Variants in RASAL2 observed in about 807,000 individuals in gnomAD.
RASAL2 encodes the protein RAS protein activator like 2, also known as ras GTPase-activating protein nGAP.
Under a neutral mutation model 128.9 loss-of-function variants are expected in RASAL2, and 58 were observed. The ratio of observed to expected loss-of-function variants is 0.45; its 90% CI spans 0.36 to 0.56. RASAL2 has a LOEUF of 0.56. RASAL2 is among the 20% of genes least tolerant of loss of function. The pLI is 0.00. For missense variants in RASAL2, 1,360 were observed against 1,601.6 expected (o/e 0.85, Z 2.57); for synonymous variants, 561 against 580.8 (o/e 0.97, Z 0.49).
intron 3 of RASAL2, among the ~76,000 whole-genome samples, chr1:178,335,771 A>G (rs1262019301): frequency 1.3e-5 from 2 of 152,234 alleles, no homozygotes; most frequent in Non-Finnish European, 2.9e-5. Context: ...CATCGTTCCA[A>G]TAAATATATA....
rs1053725245 is a variant in RASAL2 at position 178,277,811 on chromosome 1, T to G, written c.203-5753T>G. Among the ~76,000 whole-genome samples, 5 of 152,200 alleles carry G rather than the reference T, an allele frequency of 3.3e-5. No individual in the cohort carries two copies. In the East Asian group the frequency reaches 7.7e-4, roughly 23 times the overall value. ...TTTTTTAGGTTGGCACTAAGATAGA[T>G]GAAAGGCCCCTGAGACTGAATGAAA... is the stretch of plus-strand genomic sequence containing the variant. On this transcript the variant is annotated intron_variant, in intron 1 of 17. Transcript: ENST00000367649.
chr1:178,164,545 C>T (rs1661451637), intron 1 of RASAL2, among the ~76,000 whole-genome samples: 1 of 143,162 alleles, frequency 7.0e-6, no homozygotes, highest in Admixed American at 7.2e-5. Context: ...ATTTCCCCTT[C>T]CTTGCTCTAA....
chr1:178,173,915 A>T (rs1360867558), intron 1 of RASAL2, among the ~76,000 whole-genome samples: 44 of 94,182 alleles, frequency 4.7e-4, no homozygotes, highest in African/African-American at 3.2e-3. Context: ...TTTTTTTTTT[A>T]AAAAAGTTCA....
At chr1:178,186,314 A>G (rs1662295392) in intron 1 of RASAL2, among the ~76,000 whole-genome samples, 1 of 150,950 alleles carries the variant, frequency 6.6e-6, no homozygotes, top group South Asian at 2.1e-4. Context: ...TTGTTGATCT[A>G]TTCAAAGAAC....
chr1:178,443,864 A>G (rs947815391), intron 8 of RASAL2, among the ~76,000 whole-genome samples: 2 of 152,162 alleles, frequency 1.3e-5, no homozygotes, highest in African/African-American at 2.4e-5. Flanking sequence ...CCTATGAAGG[A>G]TATTAACTAG....
chr1:178,300,849 A>G (rs1208844347), intron 3 of RASAL2, among the ~76,000 whole-genome samples: 1 of 152,224 alleles, frequency 6.6e-6, no homozygotes, highest in Non-Finnish European at 1.5e-5. Context: ...TAGAAAAATG[A>G]AGCAATTTGA....
At chr1:178,170,691 A>G (rs559608328) in intron 1 of RASAL2, among the ~76,000 whole-genome samples, 30 of 151,524 alleles carry the variant, frequency 2.0e-4, no homozygotes, top group African/African-American at 6.8e-4. Context: ...TTTTATATAT[A>G]TTATATATCC....
intron 1 of RASAL2, among the ~76,000 whole-genome samples, chr1:178,117,096 G>A (rs1412056536): frequency 2.0e-5 from 3 of 151,998 alleles, no homozygotes; most frequent in East Asian, 3.9e-4. Context: ...ACAGATTTAT[G>A]CCATATATTG....
chr1:178,259,333 G>C (rs561220286), intron 1 of RASAL2, among the ~76,000 whole-genome samples: 1 of 151,540 alleles, frequency 6.6e-6, no homozygotes, highest in Non-Finnish European at 1.5e-5. Context: ...GGGTTTCACC[G>C]TGTTAGCCAG....
chr1:178,417,094 TTCTA>T (rs1414881972), intron 4 of RASAL2, among the ~76,000 whole-genome samples: 2 of 151,998 alleles, frequency 1.3e-5, no homozygotes, highest in East Asian at 1.9e-4. Context: ...GTTTCTGATT[TTCTA>T]TTTCTTTCTC....
At chr1:178,403,179 A>G (rs1262583377) in intron 4 of RASAL2, among the ~76,000 whole-genome samples, 2 of 152,240 alleles carry the variant, frequency 1.3e-5, no homozygotes, top group African/African-American at 4.8e-5. Flanking sequence ...GAAGTGTTCT[A>G]CAGAAGTGAA....
intron 1 of RASAL2, among the ~76,000 whole-genome samples, chr1:178,209,659 A>G (rs1265073344): frequency 2.0e-5 from 3 of 151,884 alleles, no homozygotes; most frequent in Non-Finnish European, 4.4e-5. Flanking sequence ...TGGATAATTC[A>G]TCTGTTTATA....
intron 1 of RASAL2, among the ~76,000 whole-genome samples, chr1:178,214,324 A>G (rs556712594): frequency 6.6e-6 from 1 of 152,296 alleles, no homozygotes; most frequent in Non-Finnish European, 1.5e-5. Flanking sequence ...TAATTTCAGG[A>G]AGGTAAGAAG....
intron 1 of RASAL2, among the ~76,000 whole-genome samples, chr1:178,209,720 C>A (rs1663187130): frequency 6.6e-6 from 1 of 150,926 alleles, no homozygotes; most frequent in Non-Finnish European, 1.5e-5. Flanking sequence ...ATCCATTTTT[C>A]CATTCTCTCT....
At chr1:178,288,358 TG>T (rs1449863842) in intron 2 of RASAL2, among the ~76,000 whole-genome samples, 1 of 152,172 alleles carries the variant, frequency 6.6e-6, no homozygotes, top group Non-Finnish European at 1.5e-5. Context: ...CTGATTACTT[TG>T]CTTATTACTT....
chr1:178,387,114 A>G (rs1672621765), intron 3 of RASAL2, among the ~76,000 whole-genome samples: 1 of 152,156 alleles, frequency 6.6e-6, no homozygotes. Flanking sequence ...GAACTAAAGA[A>G]CTGGGATTCT....
chr1:178,470,235 A>G (rs1648129243), intron 17 of RASAL2, among the ~76,000 whole-genome samples: 1 of 152,192 alleles, frequency 6.6e-6, no homozygotes, highest in African/African-American at 2.4e-5. Flanking sequence ...AGTGACTCTT[A>G]TGTCAACACT....
intron 3 of RASAL2, chr1:178,372,277 T>C (rs1671763897): frequency 2.0e-6 from 2 of 985,348 alleles, no homozygotes; most frequent in East Asian, 2.3e-4. Flanking sequence ...GGCGGAGTGG[T>C]TGGATAGTAG....
At chr1:178,466,191 C>A in intron 16 of RASAL2, 69 bp downstream of exon 16, 1 of 1,437,994 alleles carries the variant, frequency 7.0e-7, no homozygotes, top group South Asian at 1.5e-5. Flanking sequence ...TCCACAGAAC[C>A]CTGAAGGAAT....
Sources: allele counts gnomAD v4.1 joint callset (sites outside exome capture counted in the v4.1 genomes callset), GRCh38; gene constraint gnomAD v4.1.1; transcripts MANE v1.5; gene names NCBI Gene and HGNC (gene_info 2026-07-23, HGNC 2026-07-21).